The following NSUN2 variants were observed in gnomAD, a reference collection of about 807,000 sequenced individuals.
NSUN2 encodes the protein RNA cytosine C(5)-methyltransferase NSUN2.
NSUN2 carries 63 observed loss-of-function variants against 92.7 expected under a neutral mutation model. The observed-to-expected ratio is 0.68, with a 90% CI of 0.56 to 0.84. NSUN2 has a LOEUF of 0.84. NSUN2 is among the 40% of genes least tolerant of loss of function. NSUN2 has a pLI of 0.00. For missense variants in NSUN2, 989 were observed against 964.9 expected (o/e 1.02, Z -0.33); for synonymous variants, 356 against 348.3 (o/e 1.02, Z -0.25).
At position 6,599,885 on chromosome 5, in the gene NSUN2, T is replaced by C. The variant is rs989351277; in HGVS notation, c.*41A>G. 3 of 1,582,918 alleles carry C rather than the reference T, an allele frequency of 1.9e-6. No homozygotes were observed. The highest frequency in any genetic ancestry group is 1.3e-5 in the African/African-American group (1 of 74,266). On this transcript the variant is annotated 3_prime_UTR_variant, in exon 19 of 19. Transcript: ENST00000264670. ...CACCAGTGACCAGAAGAAGCCAGTT[T>C]TGCGTGTGAGGGGTGTGGGCCCCCG...
chr5:6,624,255 A>C (rs1737566496), intron 4 of NSUN2, among the ~76,000 whole-genome samples: 1 of 152,196 alleles, frequency 6.6e-6, no homozygotes, highest in South Asian at 2.1e-4. Flanking sequence ...GTTTTGATTA[A>C]AGCATTAAGT....
intron 8 of NSUN2, among the ~76,000 whole-genome samples, 174 bp downstream of exon 8, chr5:6,617,776 T>C (rs1228074307): frequency 6.6e-6 from 1 of 152,272 alleles, no homozygotes; most frequent in East Asian, 1.9e-4. Flanking sequence ...AATTTGCAGT[T>C]ATTGCTCTTG....
At chr5:6,602,374 C>T (rs996962313) in intron 18 of NSUN2, 87 bp downstream of exon 18, 2 of 1,378,088 alleles carry the variant, frequency 1.5e-6, no homozygotes, top group African/African-American at 2.9e-5. Context: ...AGGTTCCCAC[C>T]TTCCCAAGTC....
Position 6,600,186 on chromosome 5 carries a change from C to T in NSUN2, c.2044G>A (p.Gly682Arg), listed in dbSNP as rs758442134. 3 of 1,614,196 alleles carry T rather than the reference C, an allele frequency of 1.9e-6. No homozygotes were observed. The highest frequency in any genetic ancestry group is 2.5e-6 in the Non-Finnish European group (3 of 1,180,030). ...QCPIVLCGWR[G>R]KASIRTFVPK... Reference sequence around the variant, plus strand: ...ACAAAAGTTCGAATGGAGGCCTTTCCCCGCCATCCGCATAAGACGATGGGA... The same window carrying T: ...ACAAAAGTTCGAATGGAGGCCTTTCTCCGCCATCCGCATAAGACGATGGGA... Residue 682 changes from glycine (G) to arginine (R), a missense_variant, in exon 19 of 19, where the codon GGA (glycine) becomes AGA (arginine). Transcript: ENST00000264670.
chr5:6,615,749 A>G (rs1737185119), intron 9 of NSUN2, among the ~76,000 whole-genome samples: 1 of 152,264 alleles, frequency 6.6e-6, no homozygotes, highest in Non-Finnish European at 1.5e-5. Context: ...AACTGACTTC[A>G]CACACGTGGG....
chr5:6,613,407 T>C (rs1737079422), intron 9 of NSUN2, among the ~76,000 whole-genome samples: 1 of 152,210 alleles, frequency 6.6e-6, no homozygotes, highest in African/African-American at 2.4e-5. Flanking sequence ...GGCCAAACGG[T>C]GCTGGCTGTT....
intron 8 of NSUN2, among the ~76,000 whole-genome samples, chr5:6,617,359 G>T (rs545397669): frequency 2.0e-5 from 3 of 152,186 alleles, no homozygotes; most frequent in East Asian, 3.9e-4. Context: ...GCAAGACCAT[G>T]GCATTTGTCA....
At chr5:6,632,099 ATTC>A (rs1246932039) in intron 2 of NSUN2, 122 bp from the exon 3 acceptor site, 2 of 729,882 alleles carry the variant, frequency 2.7e-6, no homozygotes, top group Non-Finnish European at 4.6e-6. Flanking sequence ...GAGAGTAAAC[ATTC>A]TTTAGTCACT....
intron 6 of NSUN2, 43 bp from the exon 7 acceptor site, chr5:6,620,341 G>C (rs188082298): frequency 3.4e-6 from 5 of 1,459,012 alleles, no homozygotes; most frequent in Non-Finnish European, 3.7e-6. Context: ...TGGAGCCTAA[G>C]TGGAATCACA....
intron 9 of NSUN2, among the ~76,000 whole-genome samples, chr5:6,616,427 C>T (rs1402947660): frequency 1.3e-5 from 2 of 152,124 alleles, no homozygotes; most frequent in South Asian, 2.1e-4. Context: ...AGTATGATTC[C>T]GCTTCTGTGA....
In NSUN2 at chr5:6,632,316, T is replaced by C. The variant is rs141306778; in HGVS notation, c.254+283A>G. 2.5e-3 allele frequency among the ~76,000 whole-genome samples: 388 copies of C among 152,256 alleles called. 4 individuals carry two copies. The highest frequency in any genetic ancestry group is 8.9e-3 in the African/African-American group (369 of 41,556). On this transcript the variant is annotated intron_variant, in intron 2 of 18. Transcript: ENST00000264670. ...TTTATGCATTCTCTATAAATTCTCT[T>C]ACGTTCCAAAAGGTAAGACCCTCAG... is the stretch of plus-strand genomic sequence containing the variant.
At chr5:6,619,461 G>A (rs1235631751) in intron 7 of NSUN2, among the ~76,000 whole-genome samples, 1 of 151,372 alleles carries the variant, frequency 6.6e-6, no homozygotes, top group African/African-American at 2.4e-5. Context: ...CATCATCCGT[G>A]CACCTCCTAT....
chr5:6,630,294 T>A (rs556273887), intron 3 of NSUN2, among the ~76,000 whole-genome samples: 1 of 152,190 alleles, frequency 6.6e-6, no homozygotes, highest in South Asian at 2.1e-4. Flanking sequence ...AAATCTAAGA[T>A]GTGGCATATC....
At chr5:6,623,184 G>A (rs752120720) in intron 5 of NSUN2, 30 bp downstream of exon 5, 37 of 1,564,462 alleles carry the variant, frequency 2.4e-5, no homozygotes, top group East Asian at 2.0e-4. Context: ...CAAGCTGCCC[G>A]CCCCCACGTT....
At chr5:6,611,577 T>C (rs960452704) in intron 10 of NSUN2, 148 bp downstream of exon 10, 5 of 666,430 alleles carry the variant, frequency 7.5e-6, no homozygotes, top group African/African-American at 1.8e-5. Context: ...AAATGTGTCA[T>C]GAAATAACAC....
Position 6,599,498 on chromosome 5 carries a change from G to A in NSUN2, c.*428C>T, listed in dbSNP as rs1257856169. 6.3e-6 allele frequency: 1 copy of A among 159,132 alleles called. No individual in the cohort carries two copies. The highest frequency in any genetic ancestry group is 1.4e-5 in the Non-Finnish European group (1 of 72,250). The allele number at this position is 159,132 out of a possible 1,614,324, so 9.9% of individuals were successfully genotyped here. On this transcript the variant is annotated 3_prime_UTR_variant, in exon 19 of 19. Coordinates refer to ENST00000264670, the MANE Select transcript of NSUN2 (RefSeq NM_017755.6). ...GGTGCAGCTCAATGTAATTATTAAA[G>A]CTTATAACACACTTCCCCAAGAATT...
At chr5:6,618,668 T>G (rs943897494) in intron 7 of NSUN2, among the ~76,000 whole-genome samples, 7 of 152,226 alleles carry the variant, frequency 4.6e-5, no homozygotes, top group Non-Finnish European at 8.8e-5. Context: ...TACTAATAGC[T>G]AAATTTTTCT....
At chr5:6,630,535 G>A (rs1202524091) in intron 3 of NSUN2, among the ~76,000 whole-genome samples, 1 of 152,086 alleles carries the variant, frequency 6.6e-6, no homozygotes, top group Admixed American at 6.6e-5. Context: ...CTATATCCCA[G>A]CAACACATTC....
chr5:6,605,960 T>A (rs1736753757), intron 14 of NSUN2, among the ~76,000 whole-genome samples: 1 of 152,218 alleles, frequency 6.6e-6, no homozygotes, highest in Non-Finnish European at 1.5e-5. Flanking sequence ...CCCCAAGTGC[T>A]GGGATGTGCC....
Sources: allele counts gnomAD v4.1 joint callset (sites outside exome capture counted in the v4.1 genomes callset), GRCh38; gene constraint gnomAD v4.1.1; transcripts MANE v1.5; gene names NCBI Gene and HGNC (gene_info 2026-07-23, HGNC 2026-07-21).